Variants in ZHX2 observed in about 807,000 individuals in gnomAD.
ZHX2 encodes the protein zinc fingers and homeoboxes 2.
In ZHX2, 6 loss-of-function variants were observed where a neutral mutation model predicts 21.9. The ratio of observed to expected loss-of-function variants is 0.27; its 90% CI spans 0.15 to 0.54. ZHX2 has a LOEUF of 0.54. Ranked by LOEUF, ZHX2 falls within the 20% of genes least tolerant of loss-of-function variation. The probability of loss-of-function intolerance (pLI) is 0.95; values close to 1 mark genes in which losing one functional copy is unlikely to be tolerated. For missense variants in ZHX2, 908 were observed against 1,090.7 expected, an observed-to-expected ratio of 0.83 and a Z score of 2.36; for synonymous variants, 434 against 437.1, an observed-to-expected ratio of 0.99 and a Z score of 0.09.
At chr8:122,822,749 C>T (rs1818181019) in intron 1 of ZHX2, among the ~76,000 whole-genome samples, 1 of 152,218 alleles carries the variant, frequency 6.6e-6, no homozygotes, top group Admixed American at 6.5e-5. Flanking sequence ...AAGCCAGCGA[C>T]ATCACCACCT....
chr8:122,903,185 C>G (rs143017510), intron 2 of ZHX2, among the ~76,000 whole-genome samples: 302 of 152,340 alleles, frequency 2.0e-3, no homozygotes, highest in Middle Eastern at 3.4e-3. Flanking sequence ...TCTCCTGCTT[C>G]TTTCTTACTG....
intron 3 of ZHX2, among the ~76,000 whole-genome samples, chr8:122,972,995 G>A: frequency 6.6e-6 from 1 of 152,204 alleles, no homozygotes; most frequent in East Asian, 1.9e-4. Flanking sequence ...AAGTCACTCT[G>A]TTTTCAAAGG....
intron 1 of ZHX2, among the ~76,000 whole-genome samples, chr8:122,811,553 C>T (rs1319452148): frequency 6.6e-6 from 1 of 152,164 alleles, no homozygotes; most frequent in Non-Finnish European, 1.5e-5. Flanking sequence ...ACACACTTAC[C>T]CAGGGCCAAG....
At chr8:122,913,128 G>A (rs760347431) in intron 2 of ZHX2, among the ~76,000 whole-genome samples, 1 of 152,128 alleles carries the variant, frequency 6.6e-6, no homozygotes, top group Non-Finnish European at 1.5e-5. Flanking sequence ...TAGAATAAGT[G>A]GTCTTTCATG....
At chr8:122,836,569 T>G (rs1586310215) in intron 1 of ZHX2, among the ~76,000 whole-genome samples, 1 of 152,240 alleles carries the variant, frequency 6.6e-6, no homozygotes, top group African/African-American at 2.4e-5. Flanking sequence ...GCAGGCGGGC[T>G]GAGGCCTAAA....
At chr8:122,884,026 T>G (rs1819776991) in intron 2 of ZHX2, among the ~76,000 whole-genome samples, 1 of 152,240 alleles carries the variant, frequency 6.6e-6, no homozygotes, top group Non-Finnish European at 1.5e-5. Context: ...CTAGATGGTA[T>G]AGCCAACTAC....
chr8:122,910,419 G>T (rs895170079), intron 2 of ZHX2, among the ~76,000 whole-genome samples: 1 of 152,148 alleles, frequency 6.6e-6, no homozygotes, highest in African/African-American at 2.4e-5. Context: ...GCAACATCCT[G>T]CTGGCTAATG....
At chr8:122,918,613 A>C (rs190106338) in intron 2 of ZHX2, among the ~76,000 whole-genome samples, 430 of 152,252 alleles carry the variant, frequency 2.8e-3, no homozygotes, top group Non-Finnish European at 5.0e-3. Context: ...TCTGCTGTTG[A>C]AGCATGAAAG....
At chr8:122,832,054 G>T (rs1005421539) in intron 1 of ZHX2, among the ~76,000 whole-genome samples, 1 of 152,168 alleles carries the variant, frequency 6.6e-6, no homozygotes, top group Non-Finnish European at 1.5e-5. Flanking sequence ...ATCTGGAAGG[G>T]GTTGGTCTGT....
chr8:122,952,576 A>G lies in ZHX2; in HGVS notation c.1066A>G (p.Lys356Glu). The G allele has an allele frequency of 6.2e-7, 1 of 1,614,054 alleles. No homozygotes were observed. The highest frequency in any genetic ancestry group is 8.5e-7 in the Non-Finnish European group (1 of 1,180,006). The change falls in exon 3 of 4, where the codon AAG becomes GAG. Residue 356 changes from lysine to glutamate, a missense_variant. This residue lies in a region of ZHX2 where 232 missense variants were observed against 361.8 expected (regional missense o/e 0.64). Transcript: ENST00000314393. This position sits in a 1 kb window ranked among gnomAD's most constrained non-coding sequence, Gnocchi z 6.9. ...GCTGCCCGCCCAGTTGGCCCCCACAAAGGTGACGCAGCCCATCCTCCAGAC... is the reference window on the plus strand; with the variant it reads ...GCTGCCCGCCCAGTTGGCCCCCACAGAGGTGACGCAGCCCATCCTCCAGAC... ...TVLPAQLAPT[K>E]VTQPILQTAL...
chr8:122,909,993 C>T lies in ZHX2; in HGVS notation c.-219-41299C>T, dbSNP rs186016946. Among the ~76,000 whole-genome samples the T allele has an allele frequency of 1.3e-4, 20 of 152,226 alleles. No individual in the cohort carries two copies. The East Asian group carries it at 3.7e-3, about 28-fold the overall frequency. On this transcript the variant is annotated intron_variant, in intron 2 of 3. Coordinates refer to ENST00000314393, the MANE Select transcript of ZHX2 (RefSeq NM_014943.5). ...CTCAGAAAAGATTTGCTCTCACTTC[C>T]CTTAAACACACCATGCCCCTGAGCC...
chr8:122,871,038 G>A (rs932578163), intron 2 of ZHX2, among the ~76,000 whole-genome samples: 1 of 152,108 alleles, frequency 6.6e-6, no homozygotes, highest in East Asian at 1.9e-4. Flanking sequence ...CGGGCAGGAC[G>A]GGGAGCAGCA....
chr8:122,876,582 G>A (rs1444037100), intron 2 of ZHX2, among the ~76,000 whole-genome samples: 1 of 152,188 alleles, frequency 6.6e-6, no homozygotes, highest in Non-Finnish European at 1.5e-5. Context: ...CGTGATGCCA[G>A]GCCTTGGTTA....
intron 1 of ZHX2, among the ~76,000 whole-genome samples, chr8:122,838,259 GTAT>G (rs992278168): frequency 3.6e-4 from 55 of 152,220 alleles, no homozygotes; most frequent in African/African-American, 1.2e-3. Context: ...TTTAAAAATG[GTAT>G]TACATCAAGT....
At chr8:122,835,195 G>A (rs1818466399) in intron 1 of ZHX2, among the ~76,000 whole-genome samples, 1 of 152,238 alleles carries the variant, frequency 6.6e-6, no homozygotes, top group Non-Finnish European at 1.5e-5. Context: ...GATCAGTGAG[G>A]CAGAAGGAAA....
intron 2 of ZHX2, among the ~76,000 whole-genome samples, chr8:122,932,812 C>T (rs1330497568): frequency 6.6e-6 from 1 of 152,056 alleles, no homozygotes; most frequent in African/African-American, 2.4e-5. Context: ...GGAATTAGGA[C>T]CTGGATATCT....
intron 2 of ZHX2, among the ~76,000 whole-genome samples, chr8:122,912,755 C>G (rs1483044872): frequency 1.3e-5 from 2 of 152,108 alleles, no homozygotes; most frequent in African/African-American, 4.8e-5. Flanking sequence ...TAAGCACCTA[C>G]TATGTCCCAG....
intron 1 of ZHX2, among the ~76,000 whole-genome samples, chr8:122,804,961 C>T (rs908257406): frequency 2.0e-5 from 3 of 152,330 alleles, no homozygotes; most frequent in African/African-American, 4.8e-5. Flanking sequence ...TAAAACCAGC[C>T]CCAGCCATCC....
At chr8:122,870,235 C>A (rs1193612701) in intron 2 of ZHX2, among the ~76,000 whole-genome samples, 2 of 152,098 alleles carry the variant, frequency 1.3e-5, no homozygotes, top group African/African-American at 4.8e-5. Context: ...TGCAGAGGCT[C>A]TCAGGTGCCG....
Sources: allele counts gnomAD v4.1 joint callset (sites outside exome capture counted in the v4.1 genomes callset), GRCh38; gene constraint gnomAD v4.1.1; regional missense constraint gnomAD v4.1.1; non-coding constraint Gnocchi (gnomAD v3.1); transcripts MANE v1.5; gene names NCBI Gene and HGNC (gene_info 2026-07-23, HGNC 2026-07-21).